The following NTM variants were observed in gnomAD, a reference collection of about 807,000 sequenced individuals.
The protein encoded by NTM is IgLON family member 2.
NTM carries 13 observed loss-of-function variants against 42.1 expected under a neutral mutation model. The observed-to-expected ratio is 0.31, with a 90% confidence interval of 0.20 to 0.49. NTM has a LOEUF of 0.49. Ranked by LOEUF, NTM falls within the 20% of genes least tolerant of loss-of-function variation. NTM has a pLI of 0.99. For synonymous variants in NTM, 187 were observed against 179.2 expected (o/e 1.04, Z -0.35); for missense variants, 373 against 452.8 (o/e 0.82, Z 1.60).
chr11:131,814,567 A>C (rs1336408294), intron 1 of NTM, among the ~76,000 whole-genome samples: 1 of 152,202 alleles, frequency 6.6e-6, no homozygotes. Flanking sequence ...AAAGAAAGAA[A>C]ATGTATCAAT....
chr11:131,443,203 C>T (rs989231322), intron 1 of NTM, among the ~76,000 whole-genome samples: 9 of 152,010 alleles, frequency 5.9e-5, no homozygotes, highest in African/African-American at 1.9e-4. Context: ...ATGAGTAACT[C>T]AACTTTATAA....
chr11:131,456,223 C>T (rs1950878280), intron 1 of NTM, among the ~76,000 whole-genome samples: 1 of 152,196 alleles, frequency 6.6e-6, no homozygotes, highest in African/African-American at 2.4e-5. Flanking sequence ...GTTTCAGTAG[C>T]AGCAGGTTGT....
In NTM at chr11:131,777,677, T is replaced by C. The variant is rs556408514; in HGVS notation, c.83-133887T>C. ...ATTGTTAGTAATACAGCAAGTTCCC[T>C]CTAGTTTCCTTGCAAATTGACATAC... On this transcript the variant is annotated intron_variant, in intron 1 of 8. Coordinates refer to ENST00000683400, the MANE Select transcript of NTM (RefSeq NM_001352005.2). Among the ~76,000 whole-genome samples the C allele has an allele frequency of 6.6e-5, 10 of 152,228 alleles. No homozygotes were observed. In the East Asian group the frequency reaches 1.5e-3, roughly 24 times the overall value.
chr11:132,062,980 G>T (rs1387941479), intron 2 of NTM, among the ~76,000 whole-genome samples: 1 of 152,086 alleles, frequency 6.6e-6, no homozygotes, highest in Non-Finnish European at 1.5e-5. Flanking sequence ...TAGACTTTTT[G>T]GGCTCCTAGA....
At chr11:131,454,393 T>G (rs537477532) in intron 1 of NTM, among the ~76,000 whole-genome samples, 150 of 152,310 alleles carry the variant, frequency 9.8e-4, no homozygotes, top group Non-Finnish European at 1.8e-3. Flanking sequence ...TATTCCCTTT[T>G]CTCTCTTAAA....
intron 1 of NTM, among the ~76,000 whole-genome samples, chr11:131,702,808 G>A (rs1005004357): frequency 6.6e-6 from 1 of 152,164 alleles, no homozygotes; most frequent in Non-Finnish European, 1.5e-5. Context: ...ATACAGGATA[G>A]GACGAATAGC....
rs139068521 is a variant in NTM, at chr11:131,542,267, A to G, written c.82+171379A>G. Reference sequence around the variant, plus strand: ...CTTTTGAGATGAGCCTTGAAGCTGCATAAATTTTTCCAAGTGCCTAACAGG... The same window carrying G: ...CTTTTGAGATGAGCCTTGAAGCTGCGTAAATTTTTCCAAGTGCCTAACAGG... On this transcript the variant is annotated intron_variant, in intron 1 of 8. Coordinates refer to ENST00000683400, the MANE Select transcript of NTM (RefSeq NM_001352005.2). Among the ~76,000 whole-genome samples, 896 of 152,342 alleles carry G rather than the reference A, an allele frequency of 5.9e-3. 6 individuals carry two copies. The highest frequency in any genetic ancestry group is 9.8e-3 in the Non-Finnish European group (665 of 68,034).
At chr11:131,493,515 A>G (rs931920355) in intron 1 of NTM, among the ~76,000 whole-genome samples, 4 of 152,104 alleles carry the variant, frequency 2.6e-5, no homozygotes, top group African/African-American at 9.7e-5. Flanking sequence ...AGCTCTTTGG[A>G]TTAATTTTTC....
At chr11:132,295,368 C>T (rs973328156) in intron 4 of NTM, among the ~76,000 whole-genome samples, 23 of 152,218 alleles carry the variant, frequency 1.5e-4, no homozygotes, top group Admixed American at 3.9e-4. Flanking sequence ...GCCCCTTCTA[C>T]GTGCTAAACC....
intron 1 of NTM, among the ~76,000 whole-genome samples, chr11:131,399,290 G>A (rs147174455): frequency 0.014 from 2,101 of 152,216 alleles, 21 homozygotes; most frequent in Non-Finnish European, 0.022. Flanking sequence ...AGCAAGCATG[G>A]TAGAAGAGAG....
At chr11:131,873,634 T>C (rs947608041) in intron 1 of NTM, among the ~76,000 whole-genome samples, 12 of 128,296 alleles carry the variant, frequency 9.4e-5, no homozygotes, top group African/African-American at 2.5e-4. Context: ...CATATATATA[T>C]ACACATATAT....
chr11:131,874,855 C>G (rs754212540), intron 1 of NTM, among the ~76,000 whole-genome samples: 1 of 152,102 alleles, frequency 6.6e-6, no homozygotes, highest in African/African-American at 2.4e-5. Flanking sequence ...ATTTTCTGTA[C>G]GAGGGATAGG....
intron 2 of NTM, among the ~76,000 whole-genome samples, chr11:132,028,990 T>C (rs1301755934): frequency 6.6e-6 from 1 of 152,126 alleles, no homozygotes; most frequent in Non-Finnish European, 1.5e-5. Context: ...CTCCAGCAAC[T>C]CATCAGTTCC....
chr11:132,270,500 A>G (rs1239190156), intron 4 of NTM, among the ~76,000 whole-genome samples: 2 of 152,242 alleles, frequency 1.3e-5, no homozygotes, highest in African/African-American at 2.4e-5. Context: ...AATTGCTAAG[A>G]TTACAAGCAT....
At chr11:132,104,281 A>G (rs1404170929) in intron 2 of NTM, among the ~76,000 whole-genome samples, 2 of 151,996 alleles carry the variant, frequency 1.3e-5, no homozygotes, top group Admixed American at 1.3e-4. Flanking sequence ...TTACAGTAGA[A>G]ATTTTTGAGT....
At chr11:132,320,390 T>C (rs1266139234) in intron 7 of NTM, among the ~76,000 whole-genome samples, 1 of 152,222 alleles carries the variant, frequency 6.6e-6, no homozygotes, top group East Asian at 1.9e-4. Flanking sequence ...GGGAGTTCCC[T>C]TTCCTAATCA....
intron 1 of NTM, among the ~76,000 whole-genome samples, chr11:131,722,338 C>A (rs1358082464): frequency 6.6e-6 from 1 of 152,142 alleles, no homozygotes; most frequent in African/African-American, 2.4e-5. Flanking sequence ...TAAGAGTGAA[C>A]TATTTGGCTT....
At chr11:131,461,107 T>C (rs1406735072) in intron 1 of NTM, among the ~76,000 whole-genome samples, 1 of 152,228 alleles carries the variant, frequency 6.6e-6, no homozygotes, top group Non-Finnish European at 1.5e-5. Flanking sequence ...AGGGTATCGG[T>C]TGCAAAAGCT....
At chr11:131,842,893 C>A (rs1472126732) in intron 1 of NTM, among the ~76,000 whole-genome samples, 16 of 152,032 alleles carry the variant, frequency 1.1e-4, no homozygotes, top group Admixed American at 1.0e-3. Flanking sequence ...TGCCTGTAAT[C>A]CCAGCTACTC....
Sources: gnomAD v4.1 joint callset for allele counts (sites outside exome capture counted in the v4.1 genomes callset) on GRCh38, gnomAD v4.1.1 for gene constraint, MANE v1.5 for transcripts, NCBI Gene and HGNC (gene_info 2026-07-23, HGNC 2026-07-21) for gene names.